POC1B: variants seen among roughly 807,000 people sequenced by gnomAD.
The protein encoded by POC1B is POC1 centriolar protein homolog B.
POC1B carries 44 observed loss-of-function variants against 60.6 expected under a neutral mutation model. The ratio of observed to expected loss-of-function variants is 0.73; its 90% CI spans 0.57 to 0.93. The LOEUF (loss-of-function observed/expected upper bound fraction) is 0.93. Among genes scored for constraint, POC1B ranks in the 40% least tolerant of loss-of-function variants. POC1B has a pLI of 0.00. For synonymous variants in POC1B, 180 were observed against 198.9 expected, an observed-to-expected ratio of 0.90 and a Z score of 0.80; for missense variants, 555 against 572.3, an observed-to-expected ratio of 0.97 and a Z score of 0.31.
At chr12:89,510,269 A>G (rs115634510) in intron 2 of POC1B, among the ~76,000 whole-genome samples, 326 of 152,292 alleles carry the variant, frequency 2.1e-3, no homozygotes, top group African/African-American at 7.5e-3. Flanking sequence ...GTCCTAGGGC[A>G]TGGCCCTTTC....
intron 10 of POC1B, among the ~76,000 whole-genome samples, chr12:89,445,312 CA>C (rs1356694335): frequency 6.6e-6 from 1 of 152,168 alleles, no homozygotes; most frequent in East Asian, 1.9e-4. Context: ...AATCCTAAGC[CA>C]AAAGAACAAA....
chr12:89,463,247 T>C (rs984181257), intron 9 of POC1B, among the ~76,000 whole-genome samples: 1 of 152,240 alleles, frequency 6.6e-6, no homozygotes, highest in Admixed American at 6.5e-5. Flanking sequence ...AACATTATTT[T>C]ATTAAAAAAA....
the POC1B span, among the ~76,000 whole-genome samples, chr12:89,408,514 C>T: frequency 1.4e-5 from 2 of 144,454 alleles, no homozygotes; most frequent in Non-Finnish European, 3.0e-5. Flanking sequence ...GAGACGGAGT[C>T]TCGCTCTGTC....
chr12:89,500,177 G>C lies in POC1B; in HGVS notation c.101-2835C>G. 3.8e-6 allele frequency: 6 copies of C among 1,598,504 alleles called. No individual in the cohort carries two copies. In the South Asian group the frequency reaches 6.7e-5, roughly 18 times the overall value. ...TTCCAGGGCACGTGACATTAACACAGAGCAAGGCCAGAATGTTCTGGAAAT... is the reference window on the plus strand; with the variant it reads ...TTCCAGGGCACGTGACATTAACACACAGCAAGGCCAGAATGTTCTGGAAAT... On this transcript the variant is annotated intron_variant, in intron 2 of 11. Transcript: ENST00000313546.
chr12:89,509,570 C>T (rs1297913792), intron 2 of POC1B, among the ~76,000 whole-genome samples: 3 of 152,094 alleles, frequency 2.0e-5, no homozygotes, highest in Admixed American at 6.6e-5. Context: ...TCTCAACGGG[C>T]AGAACTAAGA....
At chr12:89,482,980 A>G (rs1868427628) in intron 4 of POC1B, among the ~76,000 whole-genome samples, 2 of 148,674 alleles carry the variant, frequency 1.3e-5, no homozygotes, top group African/African-American at 5.0e-5. Flanking sequence ...GCTGGAGTGC[A>G]ACGGCTCACC....
intron 2 of POC1B, chr12:89,524,730 C>T: frequency 1.5e-6 from 1 of 672,088 alleles, no homozygotes; most frequent in Non-Finnish European, 2.6e-6. Flanking sequence ...CGGTCCTCGG[C>T]CTCCGGCACA....
At chr12:89,477,979 C>A (rs2135724928) in intron 4 of POC1B, among the ~76,000 whole-genome samples, 1 of 152,302 alleles carries the variant, frequency 6.6e-6, no homozygotes, top group African/African-American at 2.4e-5. Flanking sequence ...CTCCTTCAAG[C>A]TCTCTGCTTC....
At chr12:89,410,662 G>A in the POC1B span, among the ~76,000 whole-genome samples, 1 of 141,226 alleles carries the variant, frequency 7.1e-6, no homozygotes, top group Non-Finnish European at 1.5e-5. Context: ...CTGGGCAACA[G>A]AGTGAGACTC....
At chr12:89,408,802 T>G in the POC1B span, among the ~76,000 whole-genome samples, 1 of 152,146 alleles carries the variant, frequency 6.6e-6, no homozygotes, top group East Asian at 1.9e-4. Context: ...CCTGACTTTT[T>G]AATGATCGCC....
At chr12:89,443,933 T>G (rs1458950628) in intron 10 of POC1B, among the ~76,000 whole-genome samples, 1 of 152,020 alleles carries the variant, frequency 6.6e-6, no homozygotes, top group African/African-American at 2.4e-5. Flanking sequence ...TCACCACCAA[T>G]CCCACAGAAA....
At chr12:89,467,338 G>C (rs959425133) in intron 8 of POC1B, among the ~76,000 whole-genome samples, 4 of 152,058 alleles carry the variant, frequency 2.6e-5, no homozygotes, top group Non-Finnish European at 4.4e-5. Flanking sequence ...AATGATTCAA[G>C]CAAAAGTGCT....
chr12:89,470,232 T>A (rs1882835336), intron 7 of POC1B, 129 bp downstream of exon 7: 2 of 492,542 alleles, frequency 4.1e-6, no homozygotes, highest in South Asian at 9.4e-5. Context: ...AGTAAAAAAA[T>A]TTTATGATAG....
intron 2 of POC1B, chr12:89,502,031 A>C: frequency 1.0e-6 from 1 of 988,380 alleles, no homozygotes; most frequent in Non-Finnish European, 1.6e-6. Flanking sequence ...TCAAAGAATG[A>C]AGATAATATT....
At position 89,482,670 on chromosome 12, in the gene POC1B, A is replaced by G. The variant is rs184472359; in HGVS notation, c.452+9266T>C. 4.4e-4 allele frequency among the ~76,000 whole-genome samples: 67 copies of G among 152,348 alleles called. 1 individual carries two copies. The highest frequency in any genetic ancestry group is 1.5e-3 in the African/African-American group (62 of 41,576). On this transcript the variant is annotated intron_variant, in intron 4 of 11. Transcript: ENST00000313546. The stretch of plus-strand genomic sequence containing the variant: ...AGACAATAGAATGACATCTTAGTCC[A>G]TTCAGGCTGCTATAACAAAATACTG...
At chr12:89,481,035 T>C (rs1038517931) in intron 4 of POC1B, among the ~76,000 whole-genome samples, 9 of 148,460 alleles carry the variant, frequency 6.1e-5, no homozygotes, top group South Asian at 4.3e-4. Flanking sequence ...CTGGCCCTAA[T>C]TGTCAGGGCC....
intron 2 of POC1B, chr12:89,523,389 C>T (rs751189155): frequency 6.2e-7 from 1 of 1,614,044 alleles, no homozygotes; most frequent in South Asian, 1.1e-5. Flanking sequence ...TGTATTCATC[C>T]ATCCAAACTT....
At chr12:89,406,679 A>C in the POC1B span, among the ~76,000 whole-genome samples, 2 of 152,062 alleles carry the variant, frequency 1.3e-5, no homozygotes, top group Non-Finnish European at 2.9e-5. Context: ...GAGACACACA[A>C]GTCACACTGT....
At chr12:89,524,845 T>A (rs540193872) in intron 2 of POC1B, 1 of 615,708 alleles carries the variant, frequency 1.6e-6, no homozygotes, top group Non-Finnish European at 2.8e-6. Context: ...CCCCTCCCCT[T>A]CCCACTCACT....
Sources: allele counts gnomAD v4.1 joint callset (sites outside exome capture counted in the v4.1 genomes callset), GRCh38; gene constraint gnomAD v4.1.1; transcripts MANE v1.5; gene names NCBI Gene and HGNC (gene_info 2026-07-23, HGNC 2026-07-21).